SUMF1: variants seen among roughly 807,000 people sequenced by gnomAD.
SUMF1 encodes sulfatase modifying factor 1.
Under a neutral mutation model 47.6 loss-of-function variants are expected in SUMF1, and 48 were observed. That is an observed-to-expected ratio of 1.01 (90% CI 0.80 to 1.28). The LOEUF is 1.28. SUMF1 is among the 50% of genes most tolerant of loss of function. SUMF1 has a pLI of 0.00. For missense variants in SUMF1, 571 were observed against 485.4 expected (o/e 1.18, Z -1.66); for synonymous variants, 230 against 192.1 (o/e 1.20, Z -1.63).
At chr3:4,172,397 T>G (rs1005714265) in intron 8 of SUMF1, among the ~76,000 whole-genome samples, 3 of 152,130 alleles carry the variant, frequency 2.0e-5, no homozygotes, top group African/African-American at 7.2e-5. Context: ...TTTCCAGGTA[T>G]TCACTAAAAA....
chr3:4,059,997 C>T (rs945526434), intron 9 of SUMF1, among the ~76,000 whole-genome samples: 3 of 152,016 alleles, frequency 2.0e-5, no homozygotes, highest in Non-Finnish European at 4.4e-5. Context: ...TGAGGGGCTA[C>T]GGATGAGCTG....
intron 8 of SUMF1, chr3:4,313,068 A>C: frequency 6.2e-7 from 1 of 1,613,922 alleles, no homozygotes. Flanking sequence ...GATCTGGAGG[A>C]AAGTATGCAG....
intron 8 of SUMF1, among the ~76,000 whole-genome samples, chr3:4,315,340 C>T (rs1036819557): frequency 6.6e-6 from 1 of 152,180 alleles, no homozygotes; most frequent in Non-Finnish European, 1.5e-5. Flanking sequence ...ATTGGCTCAC[C>T]ATTTGATTCT....
At chr3:4,253,764 C>G (rs1347541003) in intron 8 of SUMF1, among the ~76,000 whole-genome samples, 1 of 145,206 alleles carries the variant, frequency 6.9e-6, no homozygotes, top group South Asian at 2.3e-4. Flanking sequence ...CCCACCACAG[C>G]TCAAGGAGGC....
At chr3:4,332,209 T>C (rs1416757530) in intron 8 of SUMF1, among the ~76,000 whole-genome samples, 1 of 152,168 alleles carries the variant, frequency 6.6e-6, no homozygotes, top group Non-Finnish European at 1.5e-5. Flanking sequence ...CACAGACCCA[T>C]AGACAGTAGC....
intron 8 of SUMF1, among the ~76,000 whole-genome samples, chr3:4,137,525 G>T (rs1230125608): frequency 6.6e-6 from 1 of 152,204 alleles, no homozygotes; most frequent in South Asian, 2.1e-4. Context: ...CAATGTAAAC[G>T]ATGAGTTAAT....
At chr3:4,143,878 T>C (rs1258914922) in intron 8 of SUMF1, among the ~76,000 whole-genome samples, 1 of 152,088 alleles carries the variant, frequency 6.6e-6, no homozygotes, top group East Asian at 1.9e-4. Flanking sequence ...TTCTGCTGAA[T>C]CTTAATATAC....
chr3:4,426,129 G>A (rs1002101786), intron 3 of SUMF1, among the ~76,000 whole-genome samples: 1 of 152,118 alleles, frequency 6.6e-6, no homozygotes, highest in Non-Finnish European at 1.5e-5. Flanking sequence ...TATCAGGGAG[G>A]GTGTGAGGGG....
chr3:4,369,260 C>G (rs1238392757), intron 8 of SUMF1, among the ~76,000 whole-genome samples: 2 of 152,036 alleles, frequency 1.3e-5, no homozygotes, highest in Non-Finnish European at 2.9e-5. Flanking sequence ...ATTAGCAATT[C>G]TCAGGTAGAC....
At chr3:4,432,435 G>A (rs1702262228) in intron 3 of SUMF1, among the ~76,000 whole-genome samples, 1 of 152,118 alleles carries the variant, frequency 6.6e-6, no homozygotes, top group South Asian at 2.1e-4. Context: ...TTCTAACTGT[G>A]TTTCAGATGA....
intron 7 of SUMF1, among the ~76,000 whole-genome samples, chr3:4,400,408 C>T (rs909946334): frequency 1.3e-5 from 2 of 152,194 alleles, no homozygotes; most frequent in African/African-American, 4.8e-5. Flanking sequence ...TAAGAAACCA[C>T]CATTAGGAAT....
intron 8 of SUMF1, among the ~76,000 whole-genome samples, chr3:4,189,927 A>G (rs910495665): frequency 6.6e-6 from 1 of 152,136 alleles, no homozygotes; most frequent in African/African-American, 2.4e-5. Context: ...CTTTCATCTG[A>G]GCATCTGCAA....
chr3:4,171,039 T>C (rs1398203547), intron 8 of SUMF1, among the ~76,000 whole-genome samples: 2 of 152,340 alleles, frequency 1.3e-5, no homozygotes, highest in Non-Finnish European at 2.9e-5. Flanking sequence ...GCTGAGACTC[T>C]AACACGAAGA....
At chr3:4,313,492 G>A in intron 8 of SUMF1, 1 of 1,613,896 alleles carries the variant, frequency 6.2e-7, no homozygotes, top group Non-Finnish European at 8.5e-7. Context: ...TGCAGCCAAA[G>A]ATATTGTGCC....
intron 9 of SUMF1, among the ~76,000 whole-genome samples, chr3:4,044,853 C>T (rs1694977629): frequency 6.6e-6 from 1 of 152,182 alleles, no homozygotes; most frequent in Admixed American, 6.5e-5. Context: ...GATCATTCTT[C>T]TTAAGTCAAT....
chr3:4,438,243 G>C (rs56081503), intron 3 of SUMF1, among the ~76,000 whole-genome samples: 37,307 of 150,894 alleles, frequency 0.25, 5,370 homozygotes, highest in Non-Finnish European at 0.32. Context: ...AAAAAAAAAA[G>C]ATCTCATAGA....
intron 6 of SUMF1, 145 bp from the exon 7 acceptor site, chr3:4,411,123 T>G (rs1225104962): frequency 1.3e-6 from 1 of 782,104 alleles, no homozygotes; most frequent in African/African-American, 1.7e-5. Flanking sequence ...TTGACCAACA[T>G]AAAGACAAAG....
intron 8 of SUMF1, among the ~76,000 whole-genome samples, chr3:4,144,620 C>A (rs1359452528): frequency 6.6e-6 from 1 of 152,042 alleles, no homozygotes; most frequent in African/African-American, 2.4e-5. Flanking sequence ...AAGGTTAATG[C>A]CTGTTTATTC....
At chr3:4,355,797 C>T (rs560734536) in intron 8 of SUMF1, among the ~76,000 whole-genome samples, 3 of 152,288 alleles carry the variant, frequency 2.0e-5, no homozygotes, top group East Asian at 1.9e-4. Flanking sequence ...GAACTGGAAT[C>T]GCCTTCTTCC....
Sources: allele counts gnomAD v4.1 joint callset (sites outside exome capture counted in the v4.1 genomes callset), GRCh38; gene constraint gnomAD v4.1.1; transcripts MANE v1.5; gene names NCBI Gene and HGNC (gene_info 2026-07-23, HGNC 2026-07-21).